Variants in SLC9A4 observed in about 807,000 individuals in gnomAD.
The protein encoded by SLC9A4 is sodium/hydrogen exchanger 4.
Under a neutral mutation model 67.4 loss-of-function variants are expected in SLC9A4, and 63 were observed. The observed-to-expected ratio is 0.93, with a 90% CI of 0.76 to 1.15. SLC9A4 has a LOEUF of 1.15. SLC9A4 is among the 50% of genes most tolerant of loss of function. The probability of loss-of-function intolerance (pLI) is 0.00; values close to 1 mark genes in which losing one functional copy is unlikely to be tolerated. For missense variants in SLC9A4, 1,089 were observed against 987.7 expected, an observed-to-expected ratio of 1.10 and a Z score of -1.38; for synonymous variants, 393 against 367.2, an observed-to-expected ratio of 1.07 and a Z score of -0.80.
intron 8 of SLC9A4, among the ~76,000 whole-genome samples, chr2:102,517,370 C>T (rs927661555): frequency 6.6e-6 from 1 of 152,108 alleles, no homozygotes; most frequent in South Asian, 2.1e-4. Context: ...GGAACTTCAT[C>T]CTATGATATG....
Position 102,480,087 on chromosome 2 carries a change from T to G in SLC9A4, c.720+785T>G, listed in dbSNP as rs151273065. ...ATTTTTAAATTTCTATCACAGCACA[T>G]AAGTAATACTAGAATACATTTTCAC... is the stretch of plus-strand genomic sequence containing the variant. On this transcript the variant is annotated intron_variant, in intron 2 of 11. Coordinates refer to ENST00000295269, the MANE Select transcript of SLC9A4 (RefSeq NM_001011552.4). Among the ~76,000 whole-genome samples the G allele has an allele frequency of 2.6e-3, 390 of 152,336 alleles. 4 individuals carry two copies. The highest frequency in any genetic ancestry group is 8.6e-3 in the African/African-American group (359 of 41,574).
chr2:102,480,143 G>C (rs1475821446), intron 2 of SLC9A4, among the ~76,000 whole-genome samples: 2 of 152,048 alleles, frequency 1.3e-5, no homozygotes, highest in Admixed American at 1.3e-4. Context: ...AAACTATATA[G>C]CATGAAACAC....
At chr2:102,490,680 C>T (rs1032115175) in intron 2 of SLC9A4, among the ~76,000 whole-genome samples, 7 of 152,114 alleles carry the variant, frequency 4.6e-5, no homozygotes, top group Admixed American at 3.3e-4. Flanking sequence ...ATAATAAGTG[C>T]TTTATGATGA....
In SLC9A4 at chr2:102,532,915, T is replaced by A; in HGVS notation, c.*227T>A. 2.2e-6 allele frequency: 1 copy of A among 447,682 alleles called. No homozygotes were observed. The highest frequency in any genetic ancestry group is 3.7e-5 in the South Asian group (1 of 27,044). The allele number at this position is 447,682 out of a possible 1,614,324, so 27.7% of individuals were successfully genotyped here. A position where few individuals can be genotyped will look rare whatever the true frequency, so the allele number is the denominator to read the frequency against. On this transcript the variant is annotated 3_prime_UTR_variant, in exon 12 of 12. Coordinates refer to ENST00000295269, the MANE Select transcript of SLC9A4 (RefSeq NM_001011552.4). ...TACCTTTAGATGAATTCCCTGTGAGTGAGAGAAGTTGATCACCCCAGGAAT... is the reference window on the plus strand; with the variant it reads ...TACCTTTAGATGAATTCCCTGTGAGAGAGAGAAGTTGATCACCCCAGGAAT...
chr2:102,490,519 C>A (rs752543375), intron 2 of SLC9A4, among the ~76,000 whole-genome samples: 3 of 152,278 alleles, frequency 2.0e-5, no homozygotes, highest in Admixed American at 6.5e-5. Context: ...AAGGCCCCAC[C>A]CTTATGATCT....
At chr2:102,481,100 G>T (rs1371553205) in intron 2 of SLC9A4, among the ~76,000 whole-genome samples, 2 of 152,150 alleles carry the variant, frequency 1.3e-5, no homozygotes, top group African/African-American at 2.4e-5. Flanking sequence ...TTTGGCTGGG[G>T]CACCTTATCC....
At position 102,532,818 on chromosome 2, in the gene SLC9A4, A is replaced by C; in HGVS notation, c.*130A>C. ...TGTTGAAGCTATTAAACATGGATCT[A>C]TAAGCAGCAGGAAGATTTTTTCCAA... On this transcript the variant is annotated 3_prime_UTR_variant, in exon 12 of 12. Transcript: ENST00000295269. 1.0e-6 allele frequency: 1 copy of C among 1,001,268 alleles called. No homozygotes were observed. The highest frequency in any genetic ancestry group is 1.4e-6 in the Non-Finnish European group (1 of 697,656). 62.0% of individuals were successfully genotyped at this position (1,001,268 alleles called of 1,614,324 possible). A position where few individuals can be genotyped will look rare whatever the true frequency, so the allele number is the denominator to read the frequency against.
chr2:102,518,896 A>C (rs1685335197), intron 8 of SLC9A4, among the ~76,000 whole-genome samples: 1 of 152,222 alleles, frequency 6.6e-6, no homozygotes, highest in Admixed American at 6.5e-5. Context: ...ATTAAGGTTT[A>C]TATCAAGATG....
At chr2:102,502,987 G>T (rs577233037) in intron 2 of SLC9A4, among the ~76,000 whole-genome samples, 1 of 152,230 alleles carries the variant, frequency 6.6e-6, no homozygotes. Flanking sequence ...TCACACCCAC[G>T]TGGCTGACTC....
chr2:102,478,996 C>A lies in SLC9A4; in HGVS notation c.414C>A (p.Ile138=). Residue 138 remains isoleucine (I), a synonymous_variant, in exon 2 of 12, where the codon ATC becomes ATA. Coordinates refer to ENST00000295269, the MANE Select transcript of SLC9A4 (RefSeq NM_001011552.4). ...ACTTCCTGTATCTCCTGCCACCCAT[C>A]GTTCTGGAGGGCGGCTACTTCATGC... ...SIYFLYLLPP[I]VLEGGYFMPT... is the part of the protein sequence containing the mutation. 1 of 1,614,196 alleles carries A rather than the reference C, an allele frequency of 6.2e-7. No homozygotes were observed. The highest frequency in any genetic ancestry group is 8.5e-7 in the Non-Finnish European group (1 of 1,180,038).
chr2:102,495,613 G>A (rs976433203), intron 2 of SLC9A4, among the ~76,000 whole-genome samples: 18 of 152,096 alleles, frequency 1.2e-4, no homozygotes, highest in Admixed American at 7.2e-4. Context: ...TTACTATAAT[G>A]CCACGATAAT....
intron 2 of SLC9A4, among the ~76,000 whole-genome samples, chr2:102,492,836 T>C (rs1333709955): frequency 6.6e-6 from 1 of 152,214 alleles, no homozygotes; most frequent in East Asian, 1.9e-4. Flanking sequence ...AGGCTGCAAA[T>C]TTTCCAAACT....
chr2:102,512,914 A>C (rs1421555427), intron 7 of SLC9A4, among the ~76,000 whole-genome samples: 1 of 152,070 alleles, frequency 6.6e-6, no homozygotes, highest in Non-Finnish European at 1.5e-5. Flanking sequence ...GTGCGGAAGG[A>C]GATTGAGAAG....
intron 2 of SLC9A4, among the ~76,000 whole-genome samples, chr2:102,490,848 T>G (rs984709299): frequency 6.6e-6 from 1 of 152,216 alleles, no homozygotes; most frequent in Non-Finnish European, 1.5e-5. Context: ...ATTTCTTACT[T>G]GTACTACTTG....
intron 2 of SLC9A4, among the ~76,000 whole-genome samples, chr2:102,483,485 C>T (rs1367444155): frequency 1.3e-5 from 2 of 152,146 alleles, no homozygotes; most frequent in Non-Finnish European, 2.9e-5. Context: ...GGGTTACATG[C>T]GACAATGCTG....
At chr2:102,490,701 A>T (rs745933803) in intron 2 of SLC9A4, among the ~76,000 whole-genome samples, 1 of 152,228 alleles carries the variant, frequency 6.6e-6, no homozygotes, top group Non-Finnish European at 1.5e-5. Context: ...GGTGTCACAA[A>T]GGTTCATCTA....
rs1684984580 is a variant in SLC9A4, at chr2:102,503,445, T to G, written c.721-3T>G. 6.3e-7 allele frequency: 1 copy of G among 1,583,372 alleles called. No homozygotes were observed. On this transcript the variant is annotated splice_polypyrimidine_tract_variant and splice_region_variant and intron_variant, in intron 2 of 11. Transcript: ENST00000295269. Reference sequence around the variant, plus strand: ...ATATTTGTTTACTCTCTTTTTTGCCTAGGTCTTATACAATATGTTAATTGC... The same window carrying G: ...ATATTTGTTTACTCTCTTTTTTGCCGAGGTCTTATACAATATGTTAATTGC...
rs1327074643 is a variant in SLC9A4 at position 102,473,868 on chromosome 2, A to G, written c.109A>G (p.Thr37Ala). 5 of 1,614,138 alleles carry G rather than the reference A, an allele frequency of 3.1e-6. No homozygotes were observed. Among genetic ancestry groups the G allele is most frequent in the Non-Finnish European group, 4.2e-6 (5 of 1,179,964 alleles). ...SSDLNESANS[T>A]AQYASNAWFA... The stretch of plus-strand genomic sequence containing the variant: ...TGATTTGAATGAATCTGCAAATTCC[A>G]CTGCTCAGTATGCATCTAACGCTTG... The change falls in exon 1 of 12, where the codon ACT becomes GCT. Residue 37 changes from threonine (T) to alanine (A), a missense_variant. Physicochemically the swap from Thr to Ala is moderately conservative, Grantham distance 58. Coordinates refer to ENST00000295269, the MANE Select transcript of SLC9A4 (RefSeq NM_001011552.4).
chr2:102,526,108 G>C (rs1407858698), intron 10 of SLC9A4, 151 bp from the exon 11 acceptor site: 1 of 643,134 alleles, frequency 1.6e-6, no homozygotes, highest in Non-Finnish European at 2.6e-6. Context: ...GGCTGGTCTT[G>C]AACCCCTGAC....
Sources: allele counts gnomAD v4.1 joint callset (sites outside exome capture counted in the v4.1 genomes callset), GRCh38; gene constraint gnomAD v4.1.1; transcripts MANE v1.5; gene names NCBI Gene and HGNC (gene_info 2026-07-23, HGNC 2026-07-21).